The following EPX variants were observed in gnomAD, a reference collection of about 807,000 sequenced individuals.
EPX encodes the protein eosinophil peroxidase.
Under a neutral mutation model 73.0 loss-of-function variants are expected in EPX, and 60 were observed. The ratio of observed to expected loss-of-function variants is 0.82; its 90% CI spans 0.67 to 1.02. The LOEUF (loss-of-function observed/expected upper bound fraction) is 1.02. Among genes scored for constraint, EPX ranks in the 50% least tolerant of loss-of-function variants. The pLI is 0.00. For missense variants in EPX, 950 were observed against 973.9 expected, an observed-to-expected ratio of 0.98 and a Z score of 0.33; for synonymous variants, 347 against 389.2, an observed-to-expected ratio of 0.89 and a Z score of 1.28.
At chr17:58,199,961 G>A (rs2143715289) in intron 9 of EPX, among the ~76,000 whole-genome samples, 167 bp downstream of exon 9, 1 of 152,326 alleles carries the variant, frequency 6.6e-6, no homozygotes, top group Non-Finnish European at 1.5e-5. Flanking sequence ...TCAGTCACGG[G>A]CCTCCCATCC....
Position 58,203,323 on chromosome 17 carries a change from G to C in EPX, c.1946+5G>C. On this transcript the variant is annotated splice_donor_5th_base_variant and intron_variant, in intron 11 of 12. Transcript: ENST00000225371. Reference sequence around the variant, plus strand: ...AAGAGCCCGAGACGGAGACAGGTAAGTGACCCTATCATAAAAGACATCAGC... The same window carrying C: ...AAGAGCCCGAGACGGAGACAGGTAACTGACCCTATCATAAAAGACATCAGC... The C allele has an allele frequency of 6.3e-7, 1 of 1,595,460 alleles. No individual in the cohort carries two copies. Among genetic ancestry groups the C allele is most frequent in the East Asian group, 2.2e-5 (1 of 44,792 alleles).
At chr17:58,198,901 C>G in intron 7 of EPX, 139 bp from the exon 8 acceptor site, 1 of 870,388 alleles carries the variant, frequency 1.1e-6, no homozygotes, top group South Asian at 1.4e-5. Context: ...AGCCTCAGCA[C>G]AGCTGAAGAG....
At chr17:58,199,238 A>C (rs1226000700) in intron 8 of EPX, 38 bp downstream of exon 8, 20 of 1,606,260 alleles carry the variant, frequency 1.2e-5, no homozygotes, top group Non-Finnish European at 1.6e-5. Context: ...CCAGATGACA[A>C]GCTTGGCATG....
Position 58,196,815 on chromosome 17 carries a change from A to G in EPX, c.802-124A>G. 8 of 760,508 alleles carry G rather than the reference A, an allele frequency of 1.1e-5. No individual in the cohort carries two copies. In the South Asian group the frequency reaches 1.1e-4, roughly 11 times the overall value. 47.1% of individuals were successfully genotyped at this position (760,508 alleles called of 1,614,324 possible). A position where few individuals can be genotyped will look rare whatever the true frequency, so the allele number is the denominator to read the frequency against. On this transcript the variant is annotated intron_variant, in intron 6 of 12. Transcript: ENST00000225371. ...GGGGTGAGCAGCATGAGCCTGGGTG[A>G]GTCAAGGAGGGCTTCCTGGAGGAAG...
At chr17:58,194,220 C>T (rs1968223801) in intron 5 of EPX, 128 bp downstream of exon 5, 8 of 906,614 alleles carry the variant, frequency 8.8e-6, no homozygotes, top group Non-Finnish European at 1.4e-5. Context: ...TGACTTGAGG[C>T]AAATAACACA....
intron 10 of EPX, among the ~76,000 whole-genome samples, chr17:58,200,732 C>A (rs1040814012): frequency 6.6e-6 from 1 of 152,164 alleles, no homozygotes; most frequent in Non-Finnish European, 1.5e-5. Context: ...ATTCCCAACA[C>A]GCTGGCAAGT....
chr17:58,197,378 A>G (rs1321975426), intron 7 of EPX, 121 bp downstream of exon 7: 5 of 1,142,184 alleles, frequency 4.4e-6, no homozygotes, highest in East Asian at 2.5e-5. Context: ...TAGGCACACC[A>G]TAAGCATGGA....
intron 7 of EPX, 150 bp from the exon 8 acceptor site, chr17:58,198,890 G>A: frequency 1.2e-6 from 1 of 801,566 alleles, no homozygotes; most frequent in South Asian, 1.4e-5. Context: ...TGGCGATGAG[G>A]AGCCTCAGCA....
At chr17:58,198,394 T>C (rs1968290789) in intron 7 of EPX, among the ~76,000 whole-genome samples, 1 of 152,194 alleles carries the variant, frequency 6.6e-6, no homozygotes, top group Admixed American at 6.5e-5. Flanking sequence ...TGAAGGATTG[T>C]ACATTTGTGT....
intron 11 of EPX, among the ~76,000 whole-genome samples, chr17:58,203,614 G>A (rs112357371): frequency 0.014 from 2,185 of 152,182 alleles, 40 homozygotes; most frequent in African/African-American, 0.049. Flanking sequence ...GGCTAAATCT[G>A]GTTTCCCTCC....
chr17:58,193,211 T>C (rs772272162), intron 2 of EPX, 80 bp downstream of exon 2: 6 of 1,233,142 alleles, frequency 4.9e-6, no homozygotes, highest in Non-Finnish European at 7.2e-6. Context: ...ATCTCACTCA[T>C]CAGCCACCTC....
In EPX at chr17:58,197,136, G is replaced by T. The variant is rs755823598; in HGVS notation, c.999G>T (p.Gly333=). 9.3e-6 allele frequency: 15 copies of T among 1,614,168 alleles called. No individual in the cohort carries two copies. The South Asian group carries it at 1.6e-4, about 18-fold the overall frequency. Residue 333 remains glycine (G), a synonymous_variant, in exon 7 of 13, where the codon GGG becomes GGT. Coordinates refer to ENST00000225371, the MANE Select transcript of EPX (RefSeq NM_000502.6). ...LRLRNRTNYL[G]LLAINQRFQD... is the part of the protein sequence containing the mutation. ...TCCGCAACCGGACCAACTACCTGGG[G>T]CTGCTGGCCATCAACCAGCGCTTTC...
chr17:58,194,968 G>A lies in EPX; in HGVS notation c.599G>A (p.Arg200Gln), dbSNP rs745353396. Residue 200 changes from arginine to glutamine, a missense_variant, in exon 6 of 13, where the codon CGG becomes CAG. Physicochemically the swap from Arg to Gln is conservative, Grantham distance 43. Transcript: ENST00000225371. ...CTGATGTTATTTCCCCACCAGGTCCGGGCTGTCTCCAACCAGATTGTGCGC... is the reference window on the plus strand; with the variant it reads ...CTGATGTTATTTCCCCACCAGGTCCAGGCTGTCTCCAACCAGATTGTGCGC... Reference protein sequence around the residue: ...RRNGFLLPLVRAVSNQIVRFP... With the variant: ...RRNGFLLPLVQAVSNQIVRFP... The A allele has an allele frequency of 1.2e-5, 20 of 1,613,540 alleles. No homozygotes were observed. Among genetic ancestry groups the A allele is most frequent in the East Asian group, 6.7e-5 (3 of 44,886 alleles).
chr17:58,201,080 T>C (rs1968334806), intron 10 of EPX, among the ~76,000 whole-genome samples: 1 of 152,224 alleles, frequency 6.6e-6, no homozygotes. Flanking sequence ...AAATTTACAA[T>C]TTCTCCTTTC....
chr17:58,194,557 T>A (rs1968227483), intron 5 of EPX, among the ~76,000 whole-genome samples: 1 of 152,180 alleles, frequency 6.6e-6, no homozygotes, highest in African/African-American at 2.4e-5. Flanking sequence ...TATCCACCCT[T>A]CCATCTGCTG....
chr17:58,193,992 AGGCTCT>A lies in EPX; in HGVS notation c.500_505del (p.Leu167_Ala168del). 2 of 1,613,084 alleles carry A rather than the reference AGGCTCT, an allele frequency of 1.2e-6. No homozygotes were observed. Among genetic ancestry groups the A allele is most frequent in the South Asian group, 2.2e-5 (2 of 91,080 alleles). On this transcript the variant is annotated inframe_deletion, in exon 5 of 13. Coordinates refer to ENST00000225371, the MANE Select transcript of EPX (RefSeq NM_000502.6). The stretch of plus-strand genomic sequence containing the variant: ...AGACCCTTGCTAGGGGCCTCCAACC[AGGCTCT>A]GGCTCGCTGGCTGCCCGCCGAGTAT...
At chr17:58,199,834 G>A in intron 9 of EPX, 40 bp downstream of exon 9, 1 of 1,563,098 alleles carries the variant, frequency 6.4e-7, no homozygotes, top group Non-Finnish European at 8.8e-7. Context: ...GGTGAGGGTG[G>A]GGAGCATGCC....
At chr17:58,200,127 G>A (rs1968319160) in intron 9 of EPX, 98 bp from the exon 10 acceptor site, 7 of 1,179,868 alleles carry the variant, frequency 5.9e-6, no homozygotes, top group Non-Finnish European at 8.8e-6. Flanking sequence ...ATACCCGACT[G>A]GCTTGTCCAG....
chr17:58,203,325 G>A lies in EPX; in HGVS notation c.1946+7G>A, dbSNP rs375527551. ...GAGCCCGAGACGGAGACAGGTAAGT[G>A]ACCCTATCATAAAAGACATCAGCAC... On this transcript the variant is annotated splice_region_variant and intron_variant, in intron 11 of 12. Coordinates refer to ENST00000225371, the MANE Select transcript of EPX (RefSeq NM_000502.6). 14 of 1,590,294 alleles carry A rather than the reference G, an allele frequency of 8.8e-6. No individual in the cohort carries two copies. In the African/African-American group the frequency reaches 1.7e-4, roughly 20 times the overall value.
Sources: gnomAD v4.1 joint callset for allele counts (sites outside exome capture counted in the v4.1 genomes callset) on GRCh38, gnomAD v4.1.1 for gene constraint, MANE v1.5 for transcripts, NCBI Gene and HGNC (gene_info 2026-07-23, HGNC 2026-07-21) for gene names.